Variants in SMOC1 observed in about 807,000 individuals in gnomAD.
The protein encoded by SMOC1 is SPARC-related modular calcium-binding protein 1.
Under a neutral mutation model 56.3 loss-of-function variants are expected in SMOC1, and 22 were observed. The observed-to-expected ratio is 0.39, with a 90% CI of 0.28 to 0.56. The LOEUF (loss-of-function observed/expected upper bound fraction) is 0.56, where lower values mean the gene tolerates loss of function less well. SMOC1 is among the 20% of genes least tolerant of loss of function. SMOC1 has a pLI of 0.61. For synonymous variants in SMOC1, 193 were observed against 215.0 expected (o/e 0.90, Z 0.89); for missense variants, 509 against 565.4 (o/e 0.90, Z 1.01).
At position 69,994,579 on chromosome 14, in the gene SMOC1, A is replaced by G. The variant is rs1884699459; in HGVS notation, c.664+99A>G. 4 of 950,218 alleles carry G rather than the reference A, an allele frequency of 4.2e-6. No individual in the cohort carries two copies. In the African/African-American group the frequency reaches 6.4e-5, roughly 15 times the overall value. 58.9% of individuals were successfully genotyped at this position (950,218 alleles called of 1,614,324 possible). ...TGTGTGGGTTTGGAAAAATCATTTA[A>G]TCTGTCTGGTTGTCAATTTCTATAG... On this transcript the variant is annotated intron_variant, in intron 7 of 11. Coordinates refer to ENST00000361956, the MANE Select transcript of SMOC1 (RefSeq NM_001034852.3).
intron 1 of SMOC1, among the ~76,000 whole-genome samples, chr14:69,889,633 A>C (rs1047653364): frequency 1.3e-5 from 2 of 152,190 alleles, no homozygotes; most frequent in African/African-American, 4.8e-5. Flanking sequence ...TTAGCTTTCT[A>C]TTGCTGCCAT....
intron 3 of SMOC1, among the ~76,000 whole-genome samples, chr14:69,973,851 A>AC (rs1186747075): frequency 6.6e-6 from 1 of 152,194 alleles, no homozygotes; most frequent in Non-Finnish European, 1.5e-5. Context: ...GTCTCCTCTC[A>AC]CTGCTCCCTT....
intron 11 of SMOC1, among the ~76,000 whole-genome samples, chr14:70,027,792 G>A (rs1057056752): frequency 2.6e-5 from 4 of 152,184 alleles, no homozygotes; most frequent in Admixed American, 2.6e-4. Context: ...AACTTAGCAC[G>A]GTACCTGGTA....
chr14:69,956,946 T>C (rs1397036241), intron 3 of SMOC1, among the ~76,000 whole-genome samples: 1 of 151,460 alleles, frequency 6.6e-6, no homozygotes, highest in Non-Finnish European at 1.5e-5. Flanking sequence ...CAATGTTTGA[T>C]CAAAGTTTCA....
Position 69,884,218 on chromosome 14 carries a change from A to ATATAT in SMOC1, c.99+4445_99+4446insTTATA, listed in dbSNP as rs1475280460. Among the ~76,000 whole-genome samples, 5 of 152,260 alleles carry ATATAT rather than the reference A, an allele frequency of 3.3e-5. No homozygotes were observed. The East Asian group carries it at 9.6e-4, about 29-fold the overall frequency. On this transcript the variant is annotated intron_variant, in intron 1 of 11. Transcript: ENST00000361956. ...ACCGCGCCCGGCCGAGCATTTTTAAATATACCTATTGCCCATTTCTATGTC... is the reference window on the plus strand; with the variant it reads ...ACCGCGCCCGGCCGAGCATTTTTAAATATATTATACCTATTGCCCATTTCTATGTC...
intron 11 of SMOC1, among the ~76,000 whole-genome samples, chr14:70,026,931 G>C (rs1885948362): frequency 6.6e-6 from 1 of 152,224 alleles, no homozygotes; most frequent in African/African-American, 2.4e-5. Context: ...GTCTGCATAT[G>C]TGTGTGTATG....
chr14:69,994,325 G>T, intron 6 of SMOC1, 75 bp from the exon 7 acceptor site: 3 of 1,143,054 alleles, frequency 2.6e-6, no homozygotes, highest in Middle Eastern at 1.9e-4. Flanking sequence ...TGACTATTAA[G>T]AAGTCTGAGG....
At chr14:70,028,382 A>G (rs909822739) in intron 11 of SMOC1, among the ~76,000 whole-genome samples, 4 of 152,118 alleles carry the variant, frequency 2.6e-5, no homozygotes, top group African/African-American at 9.7e-5. Flanking sequence ...ATGATTCTGG[A>G]GGCAGCTAGC....
chr14:69,975,145 A>C (rs1016109531), intron 3 of SMOC1, among the ~76,000 whole-genome samples: 1 of 152,132 alleles, frequency 6.6e-6, no homozygotes, highest in Admixed American at 6.5e-5. Flanking sequence ...GGACTTCAAG[A>C]CTACCCTGGC....
intron 5 of SMOC1, among the ~76,000 whole-genome samples, chr14:69,982,997 C>T (rs1884235043): frequency 6.6e-6 from 1 of 152,208 alleles, no homozygotes; most frequent in African/African-American, 2.4e-5. Flanking sequence ...CATATACCAG[C>T]TTCGCAGAGG....
intron 1 of SMOC1, among the ~76,000 whole-genome samples, chr14:69,919,841 A>T (rs1327479585): frequency 6.6e-6 from 1 of 151,942 alleles, no homozygotes; most frequent in African/African-American, 2.4e-5. Context: ...GATAACTTAT[A>T]TTGGGTAAAG....
At chr14:69,897,701 A>G (rs1884135401) in intron 1 of SMOC1, among the ~76,000 whole-genome samples, 1 of 152,170 alleles carries the variant, frequency 6.6e-6, no homozygotes, top group African/African-American at 2.4e-5. Context: ...AAGTATTCCT[A>G]ATTCCTCTCT....
intron 1 of SMOC1, among the ~76,000 whole-genome samples, chr14:69,940,743 A>ATT (rs139220098): frequency 6.6e-6 from 1 of 151,550 alleles, no homozygotes; most frequent in Non-Finnish European, 1.5e-5. Flanking sequence ...CTTAATCTCT[A>ATT]TTTTTTTTCC....
chr14:69,887,000 C>G (rs553771995), intron 1 of SMOC1, among the ~76,000 whole-genome samples: 3 of 152,142 alleles, frequency 2.0e-5, no homozygotes, highest in Non-Finnish European at 4.4e-5. Flanking sequence ...AATTCCACTC[C>G]GGCTCTATGT....
At chr14:70,019,425 C>T (rs1374614434) in intron 10 of SMOC1, among the ~76,000 whole-genome samples, 1 of 152,224 alleles carries the variant, frequency 6.6e-6, no homozygotes, top group Non-Finnish European at 1.5e-5. Context: ...GTACTTTACC[C>T]ATGGAGAAGT....
intron 1 of SMOC1, among the ~76,000 whole-genome samples, chr14:69,896,641 G>T (rs1884106552): frequency 6.6e-6 from 1 of 152,122 alleles, no homozygotes; most frequent in African/African-American, 2.4e-5. Context: ...ATTCCCTTTT[G>T]TTTATAAATA....
At chr14:70,025,878 T>C (rs1885907560) in intron 11 of SMOC1, among the ~76,000 whole-genome samples, 1 of 152,248 alleles carries the variant, frequency 6.6e-6, no homozygotes, top group Admixed American at 6.5e-5. Flanking sequence ...ACTGTTGTGC[T>C]GATTAAATGG....
intron 11 of SMOC1, among the ~76,000 whole-genome samples, chr14:70,025,263 G>C (rs1391603410): frequency 1.3e-5 from 2 of 152,220 alleles, no homozygotes; most frequent in African/African-American, 4.8e-5. Flanking sequence ...TTCCTAAGGA[G>C]AGAGTTTAGC....
At chr14:69,900,382 C>G (rs1884211531) in intron 1 of SMOC1, among the ~76,000 whole-genome samples, 1 of 152,236 alleles carries the variant, frequency 6.6e-6, no homozygotes, top group Non-Finnish European at 1.5e-5. Flanking sequence ...TGAGCTACTG[C>G]TATGTGCCAG....
Sources: allele counts gnomAD v4.1 joint callset (sites outside exome capture counted in the v4.1 genomes callset), GRCh38; gene constraint gnomAD v4.1.1; transcripts MANE v1.5; gene names NCBI Gene and HGNC (gene_info 2026-07-23, HGNC 2026-07-21).